The following PAK3 variants were observed in gnomAD, a reference collection of about 807,000 sequenced individuals.
PAK3 encodes the protein serine/threonine-protein kinase PAK 3.
PAK3 carries 4 observed loss-of-function variants against 41.0 expected under a neutral mutation model. The observed-to-expected ratio is 0.10, with a 90% CI of 0.05 to 0.22. The LOEUF (loss-of-function observed/expected upper bound fraction) is 0.22, where lower values mean the gene tolerates loss of function less well. PAK3 is among the 10% of genes least tolerant of loss of function. The pLI is 1.00. For missense variants in PAK3, 205 were observed against 409.9 expected (o/e 0.50, Z 4.32); for synonymous variants, 146 against 139.6 (o/e 1.05, Z -0.32).
intron 6 of PAK3, among the ~76,000 whole-genome samples, chrX:111,142,806 A>G (rs1052219509): frequency 9.0e-6 from 1 of 111,102 alleles, no homozygotes; most frequent in Non-Finnish European, 1.9e-5. Flanking sequence ...CTCTCTCTAG[A>G]TATCTCTCTC....
At chrX:111,171,384 G>A (rs2094338641) in intron 10 of PAK3, among the ~76,000 whole-genome samples, 1 of 110,356 alleles carries the variant, frequency 9.1e-6, no homozygotes, top group African/African-American at 3.3e-5. Context: ...CCAAATAAAT[G>A]ATGCCCTTCA....
intron 1 of PAK3, among the ~76,000 whole-genome samples, chrX:111,030,871 T>C (rs925594631): frequency 1.9e-4 from 21 of 111,911 alleles, no homozygotes; most frequent in Admixed American, 4.8e-4. Flanking sequence ...TACATTTGAA[T>C]GATGTTAATT....
At chrX:111,100,519 G>A (rs183998316) in intron 3 of PAK3, among the ~76,000 whole-genome samples, 15 of 111,473 alleles carry the variant, frequency 1.3e-4, no homozygotes, top group East Asian at 8.5e-4. Flanking sequence ...GCCAGCCACC[G>A]TTTCCTGCAA....
rs200796166 is a variant in PAK3 at position 111,030,215 on chromosome X, GT to G, written c.-28+85596del. Among the ~76,000 whole-genome samples the G allele has an allele frequency of 3.7e-5, 4 of 109,084 alleles. No individual in the cohort carries two copies. In the East Asian group the frequency reaches 8.6e-4, roughly 23 times the overall value. 94.7% of individuals were successfully genotyped at this position (109,084 alleles called of 115,157 possible). On this transcript the variant is annotated intron_variant, in intron 1 of 14. Transcript: ENST00000425146. ...TATGCATTCATAACATATCTTTTTG[GT>G]TTTTTTTTAAATATTTCTAGGCAAC...
At chrX:111,217,352 G>A (rs991849510) in intron 17 of PAK3, 4 of 333,911 alleles carry the variant, frequency 1.2e-5, no homozygotes, top group African/African-American at 8.0e-5. Context: ...CACTGCTGGG[G>A]AGTGTTTCTC....
upstream of PAK3, among the ~76,000 whole-genome samples, chrX:111,093,656 G>C (rs778237938): frequency 1.8e-5 from 2 of 112,352 alleles, no homozygotes; most frequent in East Asian, 2.8e-4. Flanking sequence ...TGGGTCTTAA[G>C]TCCAGTCCTC....
At chrX:111,144,891 C>A in intron 6 of PAK3, 1 of 1,146,772 alleles carries the variant, frequency 8.7e-7, no homozygotes, top group Non-Finnish European at 1.2e-6. Context: ...AGACCTGTGA[C>A]GGTCGCTTCA....
At chrX:111,202,071 C>T (rs2094690440) in intron 16 of PAK3, among the ~76,000 whole-genome samples, 1 of 110,384 alleles carries the variant, frequency 9.1e-6, no homozygotes, top group African/African-American at 3.3e-5. Context: ...AGAAGAAGTT[C>T]AAGGTGAAGT....
At chrX:111,213,665 A>G (rs974956996) in intron 16 of PAK3, among the ~76,000 whole-genome samples, 1 of 111,919 alleles carries the variant, frequency 8.9e-6, no homozygotes, top group East Asian at 2.8e-4. Context: ...GCTTGGCTAC[A>G]GAGCAGGAAA....
chrX:110,978,673 C>CTTTCTTT (rs1425612673), intron 1 of PAK3, among the ~76,000 whole-genome samples: 3 of 109,163 alleles, frequency 2.7e-5, no homozygotes, highest in Admixed American at 2.0e-4. Flanking sequence ...TTCCTTTCTT[C>CTTTCTTT]TTTCTTTTTT....
At chrX:111,063,890 C>T (rs149007568) in intron 1 of PAK3, among the ~76,000 whole-genome samples, 2 of 110,547 alleles carry the variant, frequency 1.8e-5, no homozygotes, top group African/African-American at 3.3e-5. Flanking sequence ...ATATTGAGGC[C>T]GCTGAAGAAA....
Position 111,223,892 on chromosome X carries a change from A to G in PAK3, c.*3445A>G, listed in dbSNP as rs968357140. ...GCATATGGACAAAGACTGGGAACAC[A>G]GATAATTGAAATCAGTTGTGTTAGG... On this transcript the variant is annotated 3_prime_UTR_variant, in exon 18 of 18. Coordinates refer to ENST00000372007, the MANE Select transcript of PAK3 (RefSeq NM_002578.5). The G allele has an allele frequency of 8.9e-6, 1 of 112,223 alleles. No homozygotes were observed. Among genetic ancestry groups the G allele is most frequent in the African/African-American group, 3.2e-5 (1 of 30,885 alleles). The allele number at this position is 112,223 out of a possible 1,213,427, so 9.2% of individuals were successfully genotyped here.
At chrX:110,988,535 C>G (rs1311107671) in intron 1 of PAK3, among the ~76,000 whole-genome samples, 1 of 111,977 alleles carries the variant, frequency 8.9e-6, no homozygotes, top group Non-Finnish European at 1.9e-5. Flanking sequence ...TGAGGCAATA[C>G]TTACCCTCAC....
chrX:111,202,874 A>C (rs2094699002), intron 16 of PAK3, among the ~76,000 whole-genome samples: 1 of 112,296 alleles, frequency 8.9e-6, no homozygotes, highest in Non-Finnish European at 1.9e-5. Context: ...AATAGATTTT[A>C]AGTGTTCTCT....
intron 1 of PAK3, among the ~76,000 whole-genome samples, chrX:111,017,467 G>T (rs901101308): frequency 3.6e-5 from 4 of 111,369 alleles, no homozygotes. Context: ...ATGAAGAATG[G>T]CATGTTAACA....
At chrX:111,118,941 G>GA (rs1180980040) in intron 4 of PAK3, among the ~76,000 whole-genome samples, 1 of 110,963 alleles carries the variant, frequency 9.0e-6, no homozygotes, top group East Asian at 2.8e-4. Flanking sequence ...GCATTTTAGA[G>GA]AAAAAACTAT....
In PAK3 at chrX:111,196,857, T is replaced by TC. The variant is rs200945724; in HGVS notation, c.1407+217_1407+218insC. On this transcript the variant is annotated intron_variant, in intron 16 of 17. Coordinates refer to ENST00000372007, the MANE Select transcript of PAK3 (RefSeq NM_002578.5). ...TTGTCTTTTTCTTTCTTTCTTTCTTTTTTTTTTTTTTTTTTGGAGAAAGAA... is the reference window on the plus strand; with the variant it reads ...TTGTCTTTTTCTTTCTTTCTTTCTTTCTTTTTTTTTTTTTTTGGAGAAAGAA... Among the ~76,000 whole-genome samples the TC allele has an allele frequency of 4.3e-3, 362 of 83,332 alleles. 1 individual carries two copies. Among genetic ancestry groups the TC allele is most frequent in the South Asian group, 6.7e-3 (16 of 2,380 alleles). 72.4% of individuals were successfully genotyped at this position (83,332 alleles called of 115,157 possible).
rs1454295325 is a variant in PAK3 at position 111,081,164 on chromosome X, A to T, written c.-27-41913A>T. Among the ~76,000 whole-genome samples, 3 of 111,913 alleles carry T rather than the reference A, an allele frequency of 2.7e-5. No homozygotes were observed. In the East Asian group the frequency reaches 8.4e-4, roughly 31 times the overall value. On this transcript the variant is annotated intron_variant, in intron 1 of 14. Coordinates refer to the PAK3 transcript ENST00000425146. ...AAATTCAAGAGATCTACTGAACAAC[A>T]TGGTGACTGTAGTTAATAAGAACAT...
rs376558678 is a variant in PAK3 at position 110,985,772 on chromosome X, T to C, written c.-28+41144T>C. Among the ~76,000 whole-genome samples, 6 of 112,538 alleles carry C rather than the reference T, an allele frequency of 5.3e-5. No individual in the cohort carries two copies. In the East Asian group the frequency reaches 1.4e-3, roughly 26 times the overall value. Reference sequence around the variant, plus strand: ...TAACCTTATAAGGTATTTCCTAGTATAGAATTATCCACATTTGATGATGAG... The same window carrying C: ...TAACCTTATAAGGTATTTCCTAGTACAGAATTATCCACATTTGATGATGAG... On this transcript the variant is annotated intron_variant, in intron 1 of 14. Transcript: ENST00000425146.
Sources: gnomAD v4.1 joint callset for allele counts (sites outside exome capture counted in the v4.1 genomes callset) on GRCh38, gnomAD v4.1.1 for gene constraint, MANE v1.5 for transcripts, NCBI Gene and HGNC (gene_info 2026-07-23, HGNC 2026-07-21) for gene names.